Variants in ROBO1 observed in about 807,000 individuals in gnomAD.
ROBO1 encodes roundabout guidance receptor 1.
Under a neutral mutation model 195.9 loss-of-function variants are expected in ROBO1, and 149 were observed. The observed-to-expected ratio is 0.76, with a 90% confidence interval of 0.67 to 0.87. ROBO1 has a LOEUF of 0.87. Among genes scored for constraint, ROBO1 ranks in the 40% least tolerant of loss-of-function variants. The probability of loss-of-function intolerance (pLI) is 0.00; values close to 1 mark genes in which losing one functional copy is unlikely to be tolerated. For missense variants in ROBO1, 1,933 were observed against 2,068.3 expected (o/e 0.93, Z 1.27); for synonymous variants, 816 against 733.2 (o/e 1.11, Z -1.82).
At chr3:78,935,896 C>G (rs763255789) in intron 4 of ROBO1, among the ~76,000 whole-genome samples, 2 of 151,940 alleles carry the variant, frequency 1.3e-5, no homozygotes, top group Non-Finnish European at 2.9e-5. Flanking sequence ...CATTTCCTAG[C>G]ATTCCAATTT....
At chr3:79,724,541 T>C (rs1702835687) in intron 1 of ROBO1, among the ~76,000 whole-genome samples, 1 of 152,174 alleles carries the variant, frequency 6.6e-6, no homozygotes, top group Non-Finnish European at 1.5e-5. Context: ...CTTCTTAGCT[T>C]TTACATGTGA....
At chr3:78,742,029 T>C (rs1442820375) in intron 5 of ROBO1, among the ~76,000 whole-genome samples, 1 of 152,078 alleles carries the variant, frequency 6.6e-6, no homozygotes, top group African/African-American at 2.4e-5. Context: ...AAGAAATGAA[T>C]TAAGAACTTA....
chr3:78,841,429 C>G (rs1199107624), intron 4 of ROBO1, among the ~76,000 whole-genome samples: 1 of 152,108 alleles, frequency 6.6e-6, no homozygotes, highest in East Asian at 1.9e-4. Flanking sequence ...CTTCCTCAAT[C>G]AGAACAAGTA....
intron 2 of ROBO1, among the ~76,000 whole-genome samples, chr3:79,550,597 C>T (rs1559984995): frequency 6.6e-6 from 1 of 152,164 alleles, no homozygotes. Context: ...CTAAGATTGG[C>T]TTATGCTTCA....
intron 10 of ROBO1, among the ~76,000 whole-genome samples, chr3:78,675,984 G>A (rs1708398402): frequency 6.6e-6 from 1 of 152,062 alleles, no homozygotes; most frequent in African/African-American, 2.4e-5. Flanking sequence ...AAAACTTCCA[G>A]AGGAACAATC....
chr3:79,747,404 TTA>T (rs1703925116), intron 1 of ROBO1, among the ~76,000 whole-genome samples: 1 of 152,038 alleles, frequency 6.6e-6, no homozygotes, highest in African/African-American at 2.4e-5. Flanking sequence ...CTTGGATAAA[TTA>T]TATTTTTATG....
intron 2 of ROBO1, among the ~76,000 whole-genome samples, chr3:79,414,707 A>T (rs1043536551): frequency 6.6e-6 from 1 of 152,158 alleles, no homozygotes; most frequent in Non-Finnish European, 1.5e-5. Flanking sequence ...ATTTTAGGTC[A>T]TAAGTATTGA....
chr3:79,045,588 T>C (rs927731678), intron 3 of ROBO1, among the ~76,000 whole-genome samples: 3 of 152,114 alleles, frequency 2.0e-5, no homozygotes, highest in Non-Finnish European at 4.4e-5. Flanking sequence ...TTAACAATTG[T>C]TTAAAATTCT....
intron 2 of ROBO1, among the ~76,000 whole-genome samples, chr3:79,481,899 T>C (rs1278113651): frequency 6.6e-6 from 1 of 152,168 alleles, no homozygotes; most frequent in Non-Finnish European, 1.5e-5. Flanking sequence ...AACAAGAGAT[T>C]TACAGAAATG....
At chr3:79,631,397 A>G (rs1945335896) in intron 1 of ROBO1, among the ~76,000 whole-genome samples, 1 of 152,064 alleles carries the variant, frequency 6.6e-6, no homozygotes, top group African/African-American at 2.4e-5. Context: ...AGGACATCCT[A>G]TTCAATACAT....
At chr3:79,114,920 A>T (rs1372582777) in intron 3 of ROBO1, among the ~76,000 whole-genome samples, 1 of 152,186 alleles carries the variant, frequency 6.6e-6, no homozygotes, top group East Asian at 1.9e-4. Flanking sequence ...ATAATTGTTC[A>T]GTGTTGGGAT....
chr3:79,031,021 C>A (rs1230313861), intron 3 of ROBO1, among the ~76,000 whole-genome samples: 3 of 152,142 alleles, frequency 2.0e-5, no homozygotes, highest in Admixed American at 6.6e-5. Context: ...CATGCCCGGC[C>A]CCAATATGTT....
Position 79,517,623 on chromosome 3 carries a change from GATC to G in ROBO1, c.88+72198_88+72200del, listed in dbSNP as rs1341753563. ...CTCCTAAATCTTTATCTGCAGCCCA[GATC>G]ATCTTTGTTTACCCTCTGTTCTGGG... On this transcript the variant is annotated intron_variant, in intron 2 of 30. Transcript: ENST00000464233. Among the ~76,000 whole-genome samples the G allele has an allele frequency of 6.6e-5, 10 of 152,238 alleles. 3 individuals carry two copies. The highest frequency in any genetic ancestry group is 6.5e-4 in the Admixed American group (10 of 15,276).
intron 4 of ROBO1, among the ~76,000 whole-genome samples, chr3:78,760,219 C>A (rs999515073): frequency 6.6e-6 from 1 of 152,266 alleles, no homozygotes; most frequent in South Asian, 2.1e-4. Context: ...GTCCATTAAA[C>A]CTATTTATTT....
intron 1 of ROBO1, among the ~76,000 whole-genome samples, chr3:79,647,873 AGATT>A (rs1448990656): frequency 1.3e-5 from 2 of 152,096 alleles, no homozygotes; most frequent in African/African-American, 4.8e-5. Flanking sequence ...TCTTTAAGAT[AGATT>A]GTCTTACTTG....
At chr3:78,610,462 C>T (rs775529126) in intron 28 of ROBO1, among the ~76,000 whole-genome samples, 4 of 152,088 alleles carry the variant, frequency 2.6e-5, no homozygotes, top group Non-Finnish European at 5.9e-5. Context: ...TCAGAACATA[C>T]CACGAAGCAG....
intron 2 of ROBO1, among the ~76,000 whole-genome samples, chr3:79,199,388 A>C (rs1026849006): frequency 6.6e-6 from 1 of 151,828 alleles, no homozygotes; most frequent in African/African-American, 2.4e-5. Flanking sequence ...GTAATTTTTA[A>C]TCATTGTAAC....
chr3:79,658,221 G>A (rs1946227082), intron 1 of ROBO1, among the ~76,000 whole-genome samples: 1 of 151,988 alleles, frequency 6.6e-6, no homozygotes, highest in Admixed American at 6.6e-5. Context: ...TTGATGGAGT[G>A]CCCACCCGTA....
chr3:79,440,053 G>A (rs1449431378), intron 2 of ROBO1, among the ~76,000 whole-genome samples: 1 of 152,030 alleles, frequency 6.6e-6, no homozygotes, highest in Non-Finnish European at 1.5e-5. Context: ...TCACAGAAGA[G>A]TGAAGAGGAA....
Sources: allele counts gnomAD v4.1 joint callset (sites outside exome capture counted in the v4.1 genomes callset), GRCh38; gene constraint gnomAD v4.1.1; transcripts MANE v1.5; gene names NCBI Gene and HGNC (gene_info 2026-07-23, HGNC 2026-07-21).